Variants in CDH3 observed in about 807,000 individuals in gnomAD.
CDH3 encodes the protein cadherin 3.
Under a neutral mutation model 82.0 loss-of-function variants are expected in CDH3, and 54 were observed. That is an observed-to-expected ratio of 0.66 (90% confidence interval 0.53 to 0.83). The LOEUF is 0.83. Among genes scored for constraint, CDH3 ranks in the 40% least tolerant of loss-of-function variants. The probability of loss-of-function intolerance (pLI) is 0.00; values close to 1 mark genes in which losing one functional copy is unlikely to be tolerated. For synonymous variants in CDH3, 446 were observed against 437.9 expected (o/e 1.02, Z -0.23); for missense variants, 1,054 against 1,084.6 (o/e 0.97, Z 0.40).
intron 2 of CDH3, among the ~76,000 whole-genome samples, chr16:68,648,138 CAT>C (rs1016238897): frequency 2.6e-5 from 4 of 152,162 alleles, no homozygotes; most frequent in African/African-American, 9.7e-5. Flanking sequence ...TCAGAAACCC[CAT>C]AGTCTAGCCT....
chr16:68,728,369 G>T (rs938763644), downstream of CDH3, among the ~76,000 whole-genome samples: 2 of 151,886 alleles, frequency 1.3e-5, no homozygotes, highest in Non-Finnish European at 2.9e-5. Context: ...GTTTCACCGT[G>T]TTAGCCAGGA....
In CDH3 at chr16:68,666,532, T is replaced by G. The variant is rs549812203; in HGVS notation, c.161-9853T>G. Among the ~76,000 whole-genome samples, 3 of 152,200 alleles carry G rather than the reference T, an allele frequency of 2.0e-5. No homozygotes were observed. The South Asian group carries it at 6.2e-4, about 32-fold the overall frequency. ...GCAGCCTCTTCCCCCCACCCCACTT[T>G]GCTGCCCTATGACCTCTCCCGTGGG... is the stretch of plus-strand genomic sequence containing the variant. On this transcript the variant is annotated intron_variant, in intron 2 of 15. Coordinates refer to ENST00000264012, the MANE Select transcript of CDH3 (RefSeq NM_001793.6).
chr16:68,714,861 T>C lies in CDH3; in HGVS notation c.100-7564T>C, dbSNP rs114314470. Among the ~76,000 whole-genome samples the C allele has an allele frequency of 5.3e-3, 801 of 152,090 alleles. 10 individuals are homozygous for C. Among genetic ancestry groups the C allele is most frequent in the African/African-American group, 0.019 (768 of 41,494 alleles). ...TTCATCATTACAAAAATTTAAAAAT[T>C]AGCCAGGCATGGTGGCCCGTGTCTG... On this transcript the variant is annotated intron_variant, in intron 1 of 2. Coordinates refer to the CDH3 transcript ENST00000569080.
chr16:68,720,705 T>C (rs1962152177), intron 1 of CDH3, among the ~76,000 whole-genome samples: 1 of 151,304 alleles, frequency 6.6e-6, no homozygotes, highest in African/African-American at 2.4e-5. Context: ...AACATCTGCC[T>C]CCCAGGCTCA....
chr16:68,684,420 A>G (rs548167181), intron 9 of CDH3, among the ~76,000 whole-genome samples, 163 bp from the exon 10 acceptor site: 10 of 152,320 alleles, frequency 6.6e-5, no homozygotes, highest in African/African-American at 2.2e-4. Flanking sequence ...ATGTGCACTC[A>G]GGAAACACGG....
At chr16:68,649,832 A>C (rs761233747) in intron 2 of CDH3, among the ~76,000 whole-genome samples, 45 of 152,190 alleles carry the variant, frequency 3.0e-4, no homozygotes, top group Admixed American at 8.5e-4. Flanking sequence ...CCAGGAGTTC[A>C]AGACCAGCCT....
intron 1 of CDH3, among the ~76,000 whole-genome samples, chr16:68,721,042 C>T (rs202224783): frequency 1.8e-4 from 27 of 152,160 alleles, no homozygotes; most frequent in Admixed American, 2.6e-4. Flanking sequence ...AACCTAGGTG[C>T]GCAGAGGTTT....
chr16:68,657,920 T>C (rs1268404247), intron 2 of CDH3, among the ~76,000 whole-genome samples: 1 of 152,208 alleles, frequency 6.6e-6, no homozygotes, highest in Non-Finnish European at 1.5e-5. Flanking sequence ...GTTCTTACTC[T>C]AGGGTCTCAC....
chr16:68,708,340 GATA>G (rs1961989183), intron 1 of CDH3, among the ~76,000 whole-genome samples: 1 of 151,002 alleles, frequency 6.6e-6, no homozygotes, highest in South Asian at 2.1e-4. Flanking sequence ...AAAAAAAAAA[GATA>G]ATTAGTAGGA....
chr16:68,685,383 C>A (rs1597812339), intron 11 of CDH3, 33 bp downstream of exon 11: 1 of 1,611,626 alleles, frequency 6.2e-7, no homozygotes, highest in Non-Finnish European at 8.5e-7. Flanking sequence ...CCCACAAGGG[C>A]CACTTTTGGT....
chr16:68,684,743 A>T lies in CDH3; in HGVS notation c.1343A>T (p.Glu448Val). The T allele has an allele frequency of 6.2e-7, 1 of 1,614,162 alleles. No individual in the cohort carries two copies. The highest frequency in any genetic ancestry group is 8.5e-7 in the Non-Finnish European group (1 of 1,180,014). ...PVFVPPSKVV[E>V]VQEGIPTGEP... ...TTTGTCCCACCCTCCAAAGTCGTTG[A>T]GGTCCAGGAGGGCATCCCCACTGGG... is the stretch of plus-strand genomic sequence containing the variant. The change falls in exon 10 of 16, where the codon GAG becomes GTG. Residue 448 changes from glutamate to valine, a missense_variant. Physicochemically the swap from Glu to Val is moderately radical, Grantham distance 121. Coordinates refer to ENST00000264012, the MANE Select transcript of CDH3 (RefSeq NM_001793.6).
intron 12 of CDH3, among the ~76,000 whole-genome samples, chr16:68,689,943 A>G (rs1421533284): frequency 6.6e-6 from 1 of 152,202 alleles, no homozygotes; most frequent in African/African-American, 2.4e-5. Flanking sequence ...CAAATCCTGC[A>G]TGATGAAAAA....
At chr16:68,657,237 G>A (rs147656111) in intron 2 of CDH3, among the ~76,000 whole-genome samples, 218 of 152,240 alleles carry the variant, frequency 1.4e-3, no homozygotes, top group African/African-American at 5.0e-3. Context: ...AAACGGGCTC[G>A]GTGTGATGGC....
rs1567455372 is a variant in CDH3, at chr16:68,691,728, G to T, written c.1804G>T (p.Val602Leu). ...TAEVNEEGDT[V>L]VLSLKKFLKQ... Reference sequence around the variant, plus strand: ...TGATCTGTTCACTCCAGGTGACACAGTGGTCTTGTCCCTGAAGAAGTTCCT... The same window carrying T: ...TGATCTGTTCACTCCAGGTGACACATTGGTCTTGTCCCTGAAGAAGTTCCT... Residue 602 changes from valine (V) to leucine (L), a missense_variant, in exon 13 of 16, where the codon GTG (valine) becomes TTG (leucine). Transcript: ENST00000264012. 1.2e-6 allele frequency: 2 copies of T among 1,613,568 alleles called. No homozygotes were observed. The highest frequency in any genetic ancestry group is 2.7e-5 in the African/African-American group (2 of 75,046).
At chr16:68,675,347 A>G (rs927063602) in intron 2 of CDH3, among the ~76,000 whole-genome samples, 107 of 152,324 alleles carry the variant, frequency 7.0e-4, no homozygotes, top group African/African-American at 2.4e-3. Flanking sequence ...TGGGCAGAGC[A>G]TGGTGCTGAC....
intron 2 of CDH3, among the ~76,000 whole-genome samples, chr16:68,664,763 A>G (rs560709430): frequency 5.9e-5 from 9 of 152,016 alleles, no homozygotes; most frequent in South Asian, 2.1e-4. Flanking sequence ...GGCTCAGGTG[A>G]TCCTCCCACC....
chr16:68,727,238 C>G (rs571014742), exon 3 of CDH3, among the ~76,000 whole-genome samples: 3 of 152,196 alleles, frequency 2.0e-5, no homozygotes, highest in South Asian at 2.1e-4. Flanking sequence ...CAGCAGCCCC[C>G]CAGTGTTCTC....
chr16:68,706,599 C>T (rs546820241), intron 1 of CDH3, among the ~76,000 whole-genome samples: 1 of 123,256 alleles, frequency 8.1e-6, no homozygotes, highest in Non-Finnish European at 1.6e-5. Context: ...GTTGCCTAGG[C>T]TGGAGTGCAG....
chr16:68,651,354 C>T (rs1960237744), intron 2 of CDH3: 2 of 554,208 alleles, frequency 3.6e-6, no homozygotes, highest in African/African-American at 3.8e-5. Context: ...TCGAGTGGTC[C>T]ACGGGGGCAG....
Sources: gnomAD v4.1 joint callset for allele counts (sites outside exome capture counted in the v4.1 genomes callset) on GRCh38, gnomAD v4.1.1 for gene constraint, MANE v1.5 for transcripts, NCBI Gene and HGNC (gene_info 2026-07-23, HGNC 2026-07-21) for gene names.